Variants in KAT6B observed in about 807,000 individuals in gnomAD.
KAT6B encodes the protein histone acetyltransferase KAT6B.
A neutral mutation model predicts 187.5 loss-of-function variants in KAT6B; 10 were observed. The ratio of observed to expected loss-of-function variants is 0.05; its 90% CI spans 0.03 to 0.09. The LOEUF (loss-of-function observed/expected upper bound fraction) is 0.09, where lower values mean the gene tolerates loss of function less well. KAT6B is among the 10% of genes least tolerant of loss of function. KAT6B has a pLI of 1.00. For synonymous variants in KAT6B, 861 were observed against 926.8 expected, an observed-to-expected ratio of 0.93 and a Z score of 1.29; for missense variants, 1,952 against 2,558.9, an observed-to-expected ratio of 0.76 and a Z score of 5.12.
upstream of KAT6B, among the ~76,000 whole-genome samples, chr10:74,826,244 T>A: frequency 7.1e-6 from 1 of 141,534 alleles, no homozygotes; most frequent in African/African-American, 2.7e-5. Flanking sequence ...TTCCTAGAGG[T>A]GGAGGGGGCG....
chr10:74,974,345 T>G, intron 7 of KAT6B, among the ~76,000 whole-genome samples: 1 of 152,264 alleles, frequency 6.6e-6, no homozygotes, highest in East Asian at 1.9e-4. Flanking sequence ...TTGTAATTAC[T>G]TAAGATATTT....
chr10:74,962,358 T>G lies in KAT6B; in HGVS notation c.730+2280T>G, dbSNP rs569221974. On this transcript the variant is annotated intron_variant, in intron 4 of 17. Coordinates refer to ENST00000287239, the MANE Select transcript of KAT6B (RefSeq NM_012330.4). ...AAAGAAAACAATAGGCCAGCATACC[T>G]CAACAGTGTCCTCAAATAATGGCGG... is the stretch of plus-strand genomic sequence containing the variant. 2.9e-4 allele frequency among the ~76,000 whole-genome samples: 44 copies of G among 152,306 alleles called. 1 individual carries two copies. In the South Asian group the frequency reaches 8.9e-3, roughly 31 times the overall value.
intron 13 of KAT6B, among the ~76,000 whole-genome samples, chr10:75,017,712 A>C (rs1221305495): frequency 1.3e-5 from 2 of 152,220 alleles, no homozygotes; most frequent in African/African-American, 4.8e-5. Flanking sequence ...CACCAGCTGC[A>C]GCCTTCTGAG....
chr10:74,927,549 G>C (rs1229727464), intron 3 of KAT6B, among the ~76,000 whole-genome samples: 4 of 147,720 alleles, frequency 2.7e-5, no homozygotes, highest in African/African-American at 5.0e-5. Flanking sequence ...TTCTGATTCA[G>C]AATCTCAGCA....
chr10:74,844,516 A>G (rs1841967982), intron 3 of KAT6B, among the ~76,000 whole-genome samples: 1 of 152,214 alleles, frequency 6.6e-6, no homozygotes, highest in African/African-American at 2.4e-5. Context: ...TATGCATGTA[A>G]GAAGTTATTT....
chr10:74,952,384 T>C (rs1589692471), intron 3 of KAT6B, among the ~76,000 whole-genome samples: 1 of 148,144 alleles, frequency 6.8e-6, no homozygotes. Flanking sequence ...GATTCTGGAG[T>C]GGTGCCAGTG....
chr10:74,843,597 C>G (rs1412970286), intron 3 of KAT6B, 119 bp downstream of exon 3: 1 of 1,283,212 alleles, frequency 7.8e-7, no homozygotes, highest in Non-Finnish European at 1.1e-6. Context: ...GAATGTTTTG[C>G]CTTAGAGCAG....
upstream of KAT6B, among the ~76,000 whole-genome samples, chr10:74,825,418 CG>C (rs1840114126): frequency 6.9e-6 from 1 of 145,720 alleles, no homozygotes; most frequent in Non-Finnish European, 1.5e-5. The surrounding 1 kb of genome is among the most constrained non-coding windows in gnomAD (Gnocchi z 5.0). Context: ...CCGGCCAGGC[CG>C]GGCGGGCTGG....
At chr10:74,883,805 AT>A (rs1281458283) in intron 3 of KAT6B, among the ~76,000 whole-genome samples, 3 of 152,088 alleles carry the variant, frequency 2.0e-5, no homozygotes, top group Non-Finnish European at 4.4e-5. Flanking sequence ...TCCTCATCCA[AT>A]TCTGTTTTGA....
At chr10:74,881,139 A>AC (rs1844823386) in intron 3 of KAT6B, among the ~76,000 whole-genome samples, 1 of 149,744 alleles carries the variant, frequency 6.7e-6, no homozygotes, top group African/African-American at 2.5e-5. Flanking sequence ...CCATCTCCTG[A>AC]CCTCAGGGGA....
intron 13 of KAT6B, among the ~76,000 whole-genome samples, chr10:74,995,201 A>G (rs949845251): frequency 1.2e-4 from 19 of 152,336 alleles, no homozygotes; most frequent in Middle Eastern, 3.4e-3. Flanking sequence ...GTGGAGGTCA[A>G]TATTTATATA....
chr10:74,894,157 G>A (rs181567864), intron 3 of KAT6B, among the ~76,000 whole-genome samples: 52 of 151,954 alleles, frequency 3.4e-4, no homozygotes, highest in Non-Finnish European at 5.3e-4. Flanking sequence ...ATCTCGGCTC[G>A]CTGCAACTTC....
chr10:74,912,115 G>T (rs1287904911), intron 3 of KAT6B, among the ~76,000 whole-genome samples: 5 of 152,038 alleles, frequency 3.3e-5, no homozygotes, highest in African/African-American at 9.7e-5. Context: ...TGCAATAAGT[G>T]TTTATGATTA....
At chr10:74,963,817 A>G (rs1457164199) in intron 4 of KAT6B, among the ~76,000 whole-genome samples, 1 of 152,188 alleles carries the variant, frequency 6.6e-6, no homozygotes, top group African/African-American at 2.4e-5. Flanking sequence ...AAGAAACCTA[A>G]AGATATGATC....
intron 3 of KAT6B, among the ~76,000 whole-genome samples, chr10:74,918,540 AG>A (rs1847878912): frequency 6.6e-6 from 1 of 152,206 alleles, no homozygotes; most frequent in South Asian, 2.1e-4. Context: ...TCAGGAGTTC[AG>A]GACCAGCCTG....
At chr10:74,983,004 A>G (rs1245744975) in intron 11 of KAT6B, 3 of 152,332 alleles carry the variant, frequency 2.0e-5, no homozygotes, top group East Asian at 3.9e-4. Flanking sequence ...GTCTGGGCCC[A>G]CTAGTTTTTC....
intron 3 of KAT6B, among the ~76,000 whole-genome samples, chr10:74,894,969 C>T (rs1208102919): frequency 6.6e-6 from 1 of 151,956 alleles, no homozygotes; most frequent in Admixed American, 6.6e-5. Flanking sequence ...TTTGAGGAGC[C>T]GCCAAACTGT....
chr10:74,927,873 T>C (rs760798714), intron 3 of KAT6B, among the ~76,000 whole-genome samples: 8 of 152,286 alleles, frequency 5.3e-5, no homozygotes, highest in Non-Finnish European at 1.0e-4. Flanking sequence ...GAAGACCCTC[T>C]GAGCTGCCCT....
intron 3 of KAT6B, among the ~76,000 whole-genome samples, chr10:74,934,616 G>T (rs1849110823): frequency 1.3e-5 from 2 of 151,990 alleles, no homozygotes; most frequent in Admixed American, 1.3e-4. Context: ...CTGCTGCGTG[G>T]GTCTCCAGTC....
Sources: gnomAD v4.1 joint callset for allele counts (sites outside exome capture counted in the v4.1 genomes callset) on GRCh38, gnomAD v4.1.1 for gene constraint, Gnocchi (gnomAD v3.1) non-coding constraint, MANE v1.5 for transcripts, NCBI Gene and HGNC (gene_info 2026-07-23, HGNC 2026-07-21) for gene names.